MACROD2: variants seen among roughly 807,000 people sequenced by gnomAD.
MACROD2 encodes the protein mono-ADP ribosylhydrolase 2.
Under a neutral mutation model 70.4 loss-of-function variants are expected in MACROD2, and 36 were observed. The observed-to-expected ratio is 0.51, with a 90% CI of 0.39 to 0.68. MACROD2 has a LOEUF of 0.68. Among genes scored for constraint, MACROD2 ranks in the 30% least tolerant of loss-of-function variants. The probability of loss-of-function intolerance (pLI) is 0.00; values close to 1 mark genes in which losing one functional copy is unlikely to be tolerated. For missense variants in MACROD2, 496 were observed against 538.4 expected (o/e 0.92, Z 0.78); for synonymous variants, 172 against 178.8 (o/e 0.96, Z 0.30).
chr20:14,959,813 C>T (rs987023269), intron 5 of MACROD2, among the ~76,000 whole-genome samples: 4 of 152,190 alleles, frequency 2.6e-5, no homozygotes, highest in African/African-American at 9.6e-5. Flanking sequence ...GAATCCACAG[C>T]TAGGATAGAC....
chr20:14,355,432 G>T (rs933225476), intron 3 of MACROD2, among the ~76,000 whole-genome samples: 10 of 152,112 alleles, frequency 6.6e-5, no homozygotes, highest in African/African-American at 7.2e-5. Context: ...CTAGAAGCTA[G>T]CCTGAGGAAA....
chr20:14,279,312 G>A (rs2082284944), intron 3 of MACROD2, among the ~76,000 whole-genome samples: 1 of 152,066 alleles, frequency 6.6e-6, no homozygotes, highest in South Asian at 2.1e-4. Context: ...ATATTTTATT[G>A]ACCAGCTTAC....
At chr20:14,739,645 A>G (rs1035316728) in intron 5 of MACROD2, among the ~76,000 whole-genome samples, 6 of 152,076 alleles carry the variant, frequency 3.9e-5, no homozygotes, top group African/African-American at 1.4e-4. Flanking sequence ...GAGGAAAAAT[A>G]TATAAATGCT....
At chr20:15,383,264 T>C (rs140718346) in intron 6 of MACROD2, among the ~76,000 whole-genome samples, 1 of 152,348 alleles carries the variant, frequency 6.6e-6, no homozygotes, top group African/African-American at 2.4e-5. Context: ...ATATAATTGG[T>C]AAGTAAGAAA....
chr20:15,871,837 A>G (rs143474674), intron 9 of MACROD2, among the ~76,000 whole-genome samples: 14 of 152,288 alleles, frequency 9.2e-5, no homozygotes, highest in Admixed American at 2.0e-4. Context: ...GTATTATGCA[A>G]TTGAGCCTAA....
At chr20:14,261,262 G>GT (rs11481039) in intron 3 of MACROD2, among the ~76,000 whole-genome samples, 95,063 of 151,898 alleles carry the variant, frequency 0.63, 31,332 homozygotes, top group Non-Finnish European at 0.74. Context: ...AGTAAGTGAA[G>GT]TTTTTTTATT....
At chr20:15,602,116 A>T (rs1311878370) in intron 8 of MACROD2, among the ~76,000 whole-genome samples, 1 of 152,206 alleles carries the variant, frequency 6.6e-6, no homozygotes, top group East Asian at 1.9e-4. Context: ...TACACTGTCT[A>T]AATCCCTCAC....
chr20:15,322,331 G>A lies in MACROD2; in HGVS notation c.540+92270G>A, dbSNP rs571572872. On this transcript the variant is annotated intron_variant, in intron 6 of 17. Coordinates refer to ENST00000684519, the MANE Select transcript of MACROD2 (RefSeq NM_001351661.2). ...TGTAGAGAATGCCTGGGTGGGACGGGGATATTTACCATGCACTCACTATGC... is the reference window on the plus strand; with the variant it reads ...TGTAGAGAATGCCTGGGTGGGACGGAGATATTTACCATGCACTCACTATGC... Among the ~76,000 whole-genome samples the A allele has an allele frequency of 1.2e-4, 17 of 143,424 alleles. 2 individuals are homozygous for A. Among genetic ancestry groups the A allele is most frequent in the African/African-American group, 4.2e-4 (17 of 40,154 alleles). The allele number at this position is 143,424 out of a possible 152,430, so 94.1% of individuals were successfully genotyped here.
At chr20:14,889,674 G>A (rs1393509781) in intron 5 of MACROD2, among the ~76,000 whole-genome samples, 2 of 152,148 alleles carry the variant, frequency 1.3e-5, no homozygotes, top group Admixed American at 6.5e-5. Context: ...TGAGCAGAGG[G>A]AAGATAAATG....
At chr20:15,530,542 C>T (rs2047782412) in intron 8 of MACROD2, among the ~76,000 whole-genome samples, 1 of 151,810 alleles carries the variant, frequency 6.6e-6, no homozygotes, top group Admixed American at 6.6e-5. Flanking sequence ...ACCATCCTGG[C>T]TAACACGGTG....
intron 5 of MACROD2, among the ~76,000 whole-genome samples, chr20:15,015,969 A>G (rs2075117991): frequency 6.6e-6 from 1 of 152,180 alleles, no homozygotes; most frequent in Non-Finnish European, 1.5e-5. Flanking sequence ...AGCTTCTTGG[A>G]ACCATTTTCT....
intron 3 of MACROD2, among the ~76,000 whole-genome samples, chr20:14,452,812 G>A (rs2084259353): frequency 6.6e-6 from 1 of 152,148 alleles, no homozygotes; most frequent in Non-Finnish European, 1.5e-5. Flanking sequence ...AAAGTAAAGA[G>A]TACTTTGGCC....
At chr20:15,342,875 C>T (rs6043223) in intron 6 of MACROD2, among the ~76,000 whole-genome samples, 21,721 of 152,078 alleles carry the variant, frequency 0.14, 1,613 homozygotes, top group Middle Eastern at 0.23. Flanking sequence ...GAGCAGAGGG[C>T]GCTTTGCTTT....
At chr20:15,073,593 A>G (rs2075635843) in intron 5 of MACROD2, among the ~76,000 whole-genome samples, 1 of 152,042 alleles carries the variant, frequency 6.6e-6, no homozygotes, top group Non-Finnish European at 1.5e-5. Flanking sequence ...GGAAAAAACA[A>G]AGAATCATAA....
intron 8 of MACROD2, among the ~76,000 whole-genome samples, chr20:15,519,680 C>A (rs1349038930): frequency 2.0e-5 from 3 of 152,220 alleles, no homozygotes; most frequent in Admixed American, 2.0e-4. Context: ...TGGAGTCTTA[C>A]TCCTCAAATG....
intron 8 of MACROD2, among the ~76,000 whole-genome samples, chr20:15,749,473 A>G (rs979656318): frequency 6.6e-6 from 1 of 152,036 alleles, no homozygotes; most frequent in South Asian, 2.1e-4. Flanking sequence ...TGGGTGTTTA[A>G]TGGATATGTA....
intron 7 of MACROD2, among the ~76,000 whole-genome samples, chr20:15,466,095 G>A (rs1487780056): frequency 2.0e-5 from 3 of 152,194 alleles, no homozygotes; most frequent in African/African-American, 7.2e-5. Context: ...TGGAGTGAGG[G>A]TGGTGGCAGG....
At chr20:15,082,379 T>C (rs909588043) in intron 5 of MACROD2, among the ~76,000 whole-genome samples, 7 of 152,140 alleles carry the variant, frequency 4.6e-5, no homozygotes, top group African/African-American at 1.7e-4. Flanking sequence ...GGCTGTGTCA[T>C]AGAGGAAAAA....
chr20:14,201,016 TTA>T (rs1346430511), intron 3 of MACROD2, among the ~76,000 whole-genome samples: 7 of 152,070 alleles, frequency 4.6e-5, no homozygotes, highest in African/African-American at 1.7e-4. Context: ...ATGTTTTTGT[TTA>T]TGTTTTTTAA....
Sources: gnomAD v4.1 joint callset for allele counts (sites outside exome capture counted in the v4.1 genomes callset) on GRCh38, gnomAD v4.1.1 for gene constraint, MANE v1.5 for transcripts, NCBI Gene and HGNC (gene_info 2026-07-23, HGNC 2026-07-21) for gene names.